KLHL2: variants seen among roughly 807,000 people sequenced by gnomAD.
KLHL2 encodes kelch like family member 2.
A neutral mutation model predicts 75.8 loss-of-function variants in KLHL2; 15 were observed. That is an observed-to-expected ratio of 0.20 (90% CI 0.13 to 0.30). The LOEUF is 0.30. KLHL2 is among the 10% of genes least tolerant of loss of function. KLHL2 has a pLI of 1.00. For missense variants in KLHL2, 381 were observed against 741.0 expected, an observed-to-expected ratio of 0.51 and a Z score of 5.64; for synonymous variants, 214 against 251.9, an observed-to-expected ratio of 0.85 and a Z score of 1.42.
intron 13 of KLHL2, among the ~76,000 whole-genome samples, chr4:165,316,917 C>CT (rs1466181505): frequency 6.6e-6 from 1 of 152,006 alleles, no homozygotes; most frequent in African/African-American, 2.4e-5. Context: ...AAGAAAGTGT[C>CT]TGAGTATATA....
In KLHL2 at chr4:165,299,569, A is replaced by C; in HGVS notation, c.834A>C (p.Ala278=). Residue 278 remains alanine (A), a synonymous_variant, in exon 8 of 15, where the codon GCA becomes GCC. Transcript: ENST00000226725. ...SSACKDYLIE[A]MKYHLLPTEQ... is the part of the protein sequence containing the mutation. ...CTTGCAAAGATTACCTCATTGAAGC[A>C]ATGAAGTACCATTTGCTGCCAACAG... is the stretch of plus-strand genomic sequence containing the variant. 1 of 1,613,982 alleles carries C rather than the reference A, an allele frequency of 6.2e-7. No homozygotes were observed. The highest frequency in any genetic ancestry group is 1.1e-5 in the South Asian group (1 of 91,068).
intron 8 of KLHL2, among the ~76,000 whole-genome samples, chr4:165,303,562 T>G (rs1274536816): frequency 6.6e-6 from 1 of 151,610 alleles, no homozygotes; most frequent in Non-Finnish European, 1.5e-5. Context: ...ATTATGTTTA[T>G]TTTATTTATT....
At chr4:165,266,053 G>A (rs1349799559) in intron 5 of KLHL2, among the ~76,000 whole-genome samples, 2 of 152,272 alleles carry the variant, frequency 1.3e-5, no homozygotes, top group African/African-American at 4.8e-5. Context: ...GTTTTGATTT[G>A]CATTTCTCTG....
chr4:165,239,887 G>C (rs1401334676), intron 4 of KLHL2, among the ~76,000 whole-genome samples: 2 of 151,492 alleles, frequency 1.3e-5, no homozygotes, highest in African/African-American at 4.9e-5. Context: ...TTTTACATAA[G>C]AAATACTATA....
chr4:165,309,869 G>A (rs1376266530), intron 9 of KLHL2, among the ~76,000 whole-genome samples: 1 of 152,138 alleles, frequency 6.6e-6, no homozygotes, highest in Non-Finnish European at 1.5e-5. Flanking sequence ...ATAAGCGTAT[G>A]GAGTTTCATT....
intron 3 of KLHL2, among the ~76,000 whole-genome samples, chr4:165,236,919 T>A (rs1739395652): frequency 6.6e-6 from 1 of 151,202 alleles, no homozygotes; most frequent in Non-Finnish European, 1.5e-5. Flanking sequence ...TAAAAACTGT[T>A]TGGCAGAGAA....
intron 3 of KLHL2, among the ~76,000 whole-genome samples, chr4:165,230,448 A>G (rs1001841672): frequency 1.3e-5 from 2 of 152,232 alleles, no homozygotes; most frequent in Non-Finnish European, 2.9e-5. Flanking sequence ...CACTTGACGC[A>G]TAGAAAATGA....
intron 5 of KLHL2, among the ~76,000 whole-genome samples, chr4:165,291,676 G>A (rs1744516706): frequency 1.3e-5 from 2 of 152,066 alleles, no homozygotes; most frequent in Non-Finnish European, 2.9e-5. Context: ...ATTCTGTTGT[G>A]TCGACCTACA....
At chr4:165,257,518 G>C (rs1207330618) in intron 4 of KLHL2, among the ~76,000 whole-genome samples, 3 of 152,174 alleles carry the variant, frequency 2.0e-5, no homozygotes, top group African/African-American at 7.2e-5. Context: ...GCTGGGGTGA[G>C]GCCCTGTTAC....
At chr4:165,320,640 CATG>C (rs758338417) in intron 14 of KLHL2, among the ~76,000 whole-genome samples, 11 of 152,136 alleles carry the variant, frequency 7.2e-5, no homozygotes, top group Non-Finnish European at 1.5e-4. Context: ...ACAGAGAAAA[CATG>C]AAAGTCTGGA....
At chr4:165,263,166 G>A (rs1741837682) in intron 4 of KLHL2, 31 bp from the exon 5 acceptor site, 1 of 1,608,746 alleles carries the variant, frequency 6.2e-7, no homozygotes, top group Non-Finnish European at 8.5e-7. Context: ...TTCCACCCAA[G>A]TGCCTAAGAA....
At chr4:165,297,996 T>C (rs1745046104) in intron 7 of KLHL2, among the ~76,000 whole-genome samples, 1 of 152,198 alleles carries the variant, frequency 6.6e-6, no homozygotes, top group Non-Finnish European at 1.5e-5. Context: ...CTAATTTTTG[T>C]ATTTTCAGTA....
intron 5 of KLHL2, among the ~76,000 whole-genome samples, chr4:165,264,740 G>GTATATA (rs1216985793): frequency 4.0e-5 from 3 of 75,750 alleles, no homozygotes; most frequent in African/African-American, 9.8e-5. Flanking sequence ...ATATATATAT[G>GTATATA]TATATATATA....
At chr4:165,268,822 A>G (rs927633161) in intron 5 of KLHL2, among the ~76,000 whole-genome samples, 19 of 152,288 alleles carry the variant, frequency 1.2e-4, no homozygotes, top group African/African-American at 3.6e-4. Flanking sequence ...GTAGATGTCT[A>G]TTAGGTCTGC....
intron 4 of KLHL2, among the ~76,000 whole-genome samples, chr4:165,259,847 G>A (rs1741501108): frequency 6.6e-6 from 1 of 152,174 alleles, no homozygotes; most frequent in African/African-American, 2.4e-5. Context: ...ATGACTCGCT[G>A]TATGACTTGG....
chr4:165,235,593 G>A (rs943975612), intron 3 of KLHL2, among the ~76,000 whole-genome samples: 4 of 152,212 alleles, frequency 2.6e-5, no homozygotes, highest in Non-Finnish European at 5.9e-5. Flanking sequence ...TCTACTAGAT[G>A]TCAGACATGT....
intron 3 of KLHL2, among the ~76,000 whole-genome samples, chr4:165,236,261 A>T (rs545081947): frequency 7.9e-5 from 12 of 152,358 alleles, no homozygotes; most frequent in Non-Finnish European, 1.3e-4. Flanking sequence ...CAGAGTTCTG[A>T]TATAACCTCA....
chr4:165,284,316 G>T (rs1465423022), intron 5 of KLHL2, among the ~76,000 whole-genome samples: 1 of 152,090 alleles, frequency 6.6e-6, no homozygotes, highest in African/African-American at 2.4e-5. Flanking sequence ...GAAACTGAAT[G>T]CCTTTAACAG....
chr4:165,285,306 T>G (rs1744005852), intron 5 of KLHL2, among the ~76,000 whole-genome samples: 1 of 152,156 alleles, frequency 6.6e-6, no homozygotes, highest in African/African-American at 2.4e-5. Context: ...ATAATTCACA[T>G]TAGGGGTTAA....
Sources: gnomAD v4.1 joint callset for allele counts (sites outside exome capture counted in the v4.1 genomes callset) on GRCh38, gnomAD v4.1.1 for gene constraint, MANE v1.5 for transcripts, NCBI Gene and HGNC (gene_info 2026-07-23, HGNC 2026-07-21) for gene names.